The following GNB1 variants were observed in gnomAD, a reference collection of about 807,000 sequenced individuals.
The protein encoded by GNB1 is G protein subunit beta 1.
A neutral mutation model predicts 42.9 loss-of-function variants in GNB1; 2 were observed. That is an observed-to-expected ratio of 0.05 (90% CI 0.02 to 0.15). The LOEUF is 0.15. GNB1 is among the 10% of genes least tolerant of loss of function. The pLI is 1.00. For missense variants in GNB1, 193 were observed against 462.2 expected (o/e 0.42, Z 5.34); for synonymous variants, 183 against 174.7 (o/e 1.05, Z -0.38).
At chr1:1,885,731 G>A (rs10796396) in intron 1 of GNB1, among the ~76,000 whole-genome samples, 124,257 of 149,772 alleles carry the variant, frequency 0.83, 53,534 homozygotes, top group Non-Finnish European at 0.95. Flanking sequence ...TAATTTTTTT[G>A]GTATTTTTAG....
chr1:1,890,789 C>T (rs1265328366), intron 1 of GNB1, 31 bp downstream of exon 1: 2 of 148,466 alleles, frequency 1.3e-5, no homozygotes, highest in African/African-American at 4.9e-5. Context: ...GAACAGGACC[C>T]GGGTCCGGGG....
intron 1 of GNB1, among the ~76,000 whole-genome samples, chr1:1,877,307 A>AG: frequency 7.0e-6 from 1 of 142,754 alleles, no homozygotes; most frequent in East Asian, 2.0e-4. Flanking sequence ...TCAAAAAAAA[A>AG]AAAAAAAAAA....
At chr1:1,816,770 C>A (rs1160013501) in intron 4 of GNB1, among the ~76,000 whole-genome samples, 1 of 151,294 alleles carries the variant, frequency 6.6e-6, no homozygotes, top group African/African-American at 2.4e-5. Context: ...TGCCTCAGCC[C>A]CCTGAGTAGC....
chr1:1,835,569 T>C (rs1461287129), intron 2 of GNB1, among the ~76,000 whole-genome samples: 1 of 152,222 alleles, frequency 6.6e-6, no homozygotes. Flanking sequence ...ATCCAGTCAG[T>C]GCAGTAGGCC....
chr1:1,863,489 C>T (rs1279088684), intron 1 of GNB1, among the ~76,000 whole-genome samples: 1 of 152,202 alleles, frequency 6.6e-6, no homozygotes, highest in Non-Finnish European at 1.5e-5. Context: ...CCAGACATTG[C>T]AAAGCGTCAA....
chr1:1,836,803 G>T (rs1647156344), intron 2 of GNB1, among the ~76,000 whole-genome samples: 1 of 151,850 alleles, frequency 6.6e-6, no homozygotes, highest in Non-Finnish European at 1.5e-5. Flanking sequence ...CGCCTGCCTG[G>T]GCCTCCCAAA....
intron 9 of GNB1, among the ~76,000 whole-genome samples, chr1:1,789,819 AG>A (rs1214115463): frequency 6.6e-6 from 1 of 152,178 alleles, no homozygotes; most frequent in Non-Finnish European, 1.5e-5. Context: ...CTGTCCCCAA[AG>A]AGTAGAATTT....
At chr1:1,878,279 T>C (rs1649657976) in intron 1 of GNB1, among the ~76,000 whole-genome samples, 1 of 152,212 alleles carries the variant, frequency 6.6e-6, no homozygotes, top group South Asian at 2.1e-4. Context: ...CATGGGAGTG[T>C]CAGGCAGAGG....
chr1:1,849,186 G>A (rs908043318), intron 1 of GNB1, among the ~76,000 whole-genome samples: 4 of 152,204 alleles, frequency 2.6e-5, no homozygotes, highest in Admixed American at 6.5e-5. Context: ...CATTGACCCC[G>A]ATTTGTCAGG....
chr1:1,879,944 T>G (rs187013429), intron 1 of GNB1, among the ~76,000 whole-genome samples: 299 of 152,062 alleles, frequency 2.0e-3, no homozygotes, highest in Non-Finnish European at 3.8e-3. Flanking sequence ...TGTTGTTGTT[T>G]TTTAAGACAT....
At position 1,815,985 on chromosome 1, in the gene GNB1, T is replaced by C. The variant is rs116730237; in HGVS notation, c.97-123A>G. The C allele has an allele frequency of 2.7e-3, 1,786 of 670,900 alleles. 31 individuals are homozygous for C. In the African/African-American group the frequency reaches 0.029, roughly 11 times the overall value. 41.6% of individuals were successfully genotyped at this position (670,900 alleles called of 1,614,324 possible). ...TACCTCTTCCCAGCCCTTCCCACAG[T>C]TCTCCAGTGGCTTCCACTGTGGCAT... On this transcript the variant is annotated intron_variant, in intron 4 of 11. Transcript: ENST00000378609.
intron 1 of GNB1, among the ~76,000 whole-genome samples, chr1:1,841,229 C>T (rs754443214): frequency 1.3e-5 from 2 of 150,864 alleles, no homozygotes; most frequent in African/African-American, 4.9e-5. Flanking sequence ...CACTCTGTCA[C>T]CCTGGCTGGA....
chr1:1,849,822 T>C (rs986440299), intron 1 of GNB1, among the ~76,000 whole-genome samples: 1 of 152,194 alleles, frequency 6.6e-6, no homozygotes. Context: ...TGGAGTCCTC[T>C]GAACTTCACA....
At chr1:1,800,456 G>A (rs1646608524) in intron 7 of GNB1, among the ~76,000 whole-genome samples, 1 of 152,152 alleles carries the variant, frequency 6.6e-6, no homozygotes, top group African/African-American at 2.4e-5. Context: ...AAATAAAAAG[G>A]TTAAAAGCAA....
chr1:1,869,818 C>T (rs113721703), intron 1 of GNB1, among the ~76,000 whole-genome samples: 2 of 152,178 alleles, frequency 1.3e-5, no homozygotes, highest in Non-Finnish European at 2.9e-5. Flanking sequence ...TTGTACAACA[C>T]AACTTGTAAT....
chr1:1,826,119 A>G (rs1416294290), intron 2 of GNB1, among the ~76,000 whole-genome samples: 1 of 152,168 alleles, frequency 6.6e-6, no homozygotes, highest in African/African-American at 2.4e-5. Flanking sequence ...ATCCAAGAAC[A>G]TAAGACTGAC....
At chr1:1,886,782 T>C (rs993320653) in intron 1 of GNB1, among the ~76,000 whole-genome samples, 4 of 152,346 alleles carry the variant, frequency 2.6e-5, no homozygotes, top group South Asian at 4.1e-4. Context: ...CTTGGCTCAC[T>C]GCAAGCTCCC....
intron 1 of GNB1, among the ~76,000 whole-genome samples, chr1:1,865,637 A>G (rs1371843020): frequency 6.6e-6 from 1 of 152,230 alleles, no homozygotes; most frequent in African/African-American, 2.4e-5. Flanking sequence ...CCAGCATCCA[A>G]AAATATCCAG....
At chr1:1,878,875 G>A (rs1459966685) in intron 1 of GNB1, among the ~76,000 whole-genome samples, 1 of 152,074 alleles carries the variant, frequency 6.6e-6, no homozygotes, top group Admixed American at 6.6e-5. Context: ...GAACTCACTG[G>A]CCCTCAGCAA....
Sources: allele counts gnomAD v4.1 joint callset (sites outside exome capture counted in the v4.1 genomes callset), GRCh38; gene constraint gnomAD v4.1.1; transcripts MANE v1.5; gene names NCBI Gene and HGNC (gene_info 2026-07-23, HGNC 2026-07-21).